Variants in LINGO2 observed in about 807,000 individuals in gnomAD.
LINGO2 encodes the protein leucine rich repeat and Ig domain containing 2.
LINGO2 carries 14 observed loss-of-function variants against 30.6 expected under a neutral mutation model. The ratio of observed to expected loss-of-function variants is 0.46; its 90% confidence interval spans 0.30 to 0.72. LINGO2 has a LOEUF of 0.72. Ranked by LOEUF, LINGO2 falls within the 30% of genes least tolerant of loss-of-function variation. The probability of loss-of-function intolerance (pLI) is 0.07; values close to 1 mark genes in which losing one functional copy is unlikely to be tolerated. For synonymous variants in LINGO2, 317 were observed against 288.5 expected (o/e 1.10, Z -1.00); for missense variants, 729 against 751.7 (o/e 0.97, Z 0.35).
At chr9:28,485,348 A>G (rs961297970) in intron 1 of LINGO2, among the ~76,000 whole-genome samples, 5 of 152,132 alleles carry the variant, frequency 3.3e-5, no homozygotes, top group African/African-American at 9.6e-5. Context: ...AAGTAATATC[A>G]TCACAGCTGT....
chr9:28,049,001 A>G (rs1824550922), intron 4 of LINGO2, among the ~76,000 whole-genome samples: 1 of 151,072 alleles, frequency 6.6e-6, no homozygotes, highest in Admixed American at 6.6e-5. Context: ...ATTATGATTA[A>G]TTTTTAAATC....
chr9:28,110,303 C>T (rs1396223417), intron 4 of LINGO2, among the ~76,000 whole-genome samples: 2 of 152,154 alleles, frequency 1.3e-5, no homozygotes, highest in African/African-American at 4.8e-5. Context: ...TAGAAGAAAA[C>T]TTAGCAATAC....
the LINGO2 span, among the ~76,000 whole-genome samples, chr9:28,729,734 T>A: frequency 1.3e-5 from 2 of 151,996 alleles, no homozygotes; most frequent in Admixed American, 6.5e-5. Flanking sequence ...CTACTCTCCA[T>A]TATACTCAAT....
At chr9:28,561,546 G>T (rs944933343) in intron 1 of LINGO2, among the ~76,000 whole-genome samples, 1 of 126,336 alleles carries the variant, frequency 7.9e-6, no homozygotes, top group Admixed American at 7.8e-5. Context: ...TTATACATCA[G>T]TAATTGGTTT....
the LINGO2 span, among the ~76,000 whole-genome samples, chr9:28,959,568 T>C: frequency 6.7e-6 from 1 of 149,808 alleles, no homozygotes; most frequent in Admixed American, 6.8e-5. Context: ...TCTCCTTCAG[T>C]TCCTTTCTCT....
chr9:28,967,372 C>G, the LINGO2 span, among the ~76,000 whole-genome samples: 2 of 152,100 alleles, frequency 1.3e-5, no homozygotes, highest in Non-Finnish European at 2.9e-5. Context: ...ACAAACTATC[C>G]TACCACTAGG....
Position 28,148,691 on chromosome 9 carries a change from G to T in LINGO2, c.-86-136286C>A. Reference sequence around the variant, plus strand: ...GCCTGCAGTGAGTTTCTACTCCAACGGCCATGGAGTCGCCAGTTCACACAG... The same window carrying T: ...GCCTGCAGTGAGTTTCTACTCCAACTGCCATGGAGTCGCCAGTTCACACAG... On this transcript the variant is annotated intron_variant, in intron 4 of 5. Transcript: ENST00000379992. The surrounding 1 kb of genome is among the most constrained non-coding windows in gnomAD (Gnocchi z 5.1). 2.0e-6 allele frequency: 3 copies of T among 1,533,786 alleles called. No individual in the cohort carries two copies. Among genetic ancestry groups the T allele is most frequent in the Non-Finnish European group, 2.6e-6 (3 of 1,146,194 alleles).
chr9:28,729,826 C>T, the LINGO2 span, among the ~76,000 whole-genome samples: 1 of 151,652 alleles, frequency 6.6e-6, no homozygotes, highest in Admixed American at 6.6e-5. Context: ...ATATTAATTG[C>T]CAAATTCAAA....
At chr9:28,596,407 A>G (rs747311549) in intron 1 of LINGO2, among the ~76,000 whole-genome samples, 5 of 152,154 alleles carry the variant, frequency 3.3e-5, no homozygotes, top group Non-Finnish European at 5.9e-5. Flanking sequence ...CTTTTTACCA[A>G]ATCTTAGGCT....
At chr9:28,879,700 G>A in the LINGO2 span, among the ~76,000 whole-genome samples, 1 of 152,136 alleles carries the variant, frequency 6.6e-6, no homozygotes, top group African/African-American at 2.4e-5. Context: ...GTCCCCCAGA[G>A]CTAACATGCT....
intron 4 of LINGO2, among the ~76,000 whole-genome samples, chr9:28,239,441 A>C (rs1253392254): frequency 6.6e-6 from 1 of 152,194 alleles, no homozygotes; most frequent in Non-Finnish European, 1.5e-5. Flanking sequence ...ATTCATCATG[A>C]CCAAGTAGGA....
At chr9:28,221,325 A>G (rs1820958941) in intron 4 of LINGO2, among the ~76,000 whole-genome samples, 1 of 139,110 alleles carries the variant, frequency 7.2e-6, no homozygotes, top group African/African-American at 2.7e-5. Flanking sequence ...AAAAAAAAAA[A>G]GCAAAGATAG....
chr9:28,659,393 A>G (rs1433764491), intron 1 of LINGO2, among the ~76,000 whole-genome samples: 1 of 152,068 alleles, frequency 6.6e-6, no homozygotes, highest in African/African-American at 2.4e-5. Context: ...AGGAGGAAAG[A>G]TTACCTTCTT....
chr9:28,648,453 GTCCAGTGAA>G (rs900397184), intron 1 of LINGO2, among the ~76,000 whole-genome samples: 3 of 152,166 alleles, frequency 2.0e-5, no homozygotes, highest in African/African-American at 7.2e-5. Flanking sequence ...ACTTAATATA[GTCCAGTGAA>G]TCCAGTGAAC....
chr9:27,950,725 A>G lies in LINGO2; in HGVS notation c.-35-19T>C. ...CACGGGTCTGCATGGAAGGGACACAAGAAGGGAGGAAGAGAAGGTGAGTTA... is the reference window on the plus strand; with the variant it reads ...CACGGGTCTGCATGGAAGGGACACAGGAAGGGAGGAAGAGAAGGTGAGTTA... On this transcript the variant is annotated intron_variant, in intron 5 of 5. Coordinates refer to ENST00000379992, the Ensembl canonical transcript of LINGO2. The G allele has an allele frequency of 2.9e-6, 4 of 1,393,408 alleles. No individual in the cohort carries two copies. Among genetic ancestry groups the G allele is most frequent in the Non-Finnish European group, 3.8e-6 (4 of 1,051,478 alleles). The allele number at this position is 1,393,408 out of a possible 1,614,324, so 86.3% of individuals were successfully genotyped here.
rs1480190063 is a variant in LINGO2 at position 28,148,589 on chromosome 9, T to A, written c.-86-136184A>T. 2.0e-6 allele frequency: 3 copies of A among 1,506,976 alleles called. No individual in the cohort carries two copies. The African/African-American group carries it at 4.1e-5, about 21-fold the overall frequency. The allele number at this position is 1,506,976 out of a possible 1,614,324, so 93.4% of individuals were successfully genotyped here. On this transcript the variant is annotated intron_variant, in intron 4 of 5. Coordinates refer to ENST00000379992, the Ensembl canonical transcript of LINGO2. This position sits in a 1 kb window ranked among gnomAD's most constrained non-coding sequence, Gnocchi z 5.1. Reference sequence around the variant, plus strand: ...TCAGGGAAACTTCACTTCCTCCTGGTACAATCCCAGGCCCTTGGAGGGAAA... The same window carrying A: ...TCAGGGAAACTTCACTTCCTCCTGGAACAATCCCAGGCCCTTGGAGGGAAA...
chr9:28,867,893 A>G, the LINGO2 span, among the ~76,000 whole-genome samples: 2 of 152,178 alleles, frequency 1.3e-5, no homozygotes, highest in Non-Finnish European at 2.9e-5. Flanking sequence ...TAAATTTTAC[A>G]CAGAATCAAA....
rs76334516 is a variant in LINGO2, at chr9:28,342,809, A to C, written c.-246+30027T>G. The stretch of plus-strand genomic sequence containing the variant: ...ATACTCTTTTTTCTCCTTTAGTAAA[A>C]GGAATGACCAGAATGAAGACATTCT... On this transcript the variant is annotated intron_variant, in intron 3 of 5. Coordinates refer to ENST00000379992, the Ensembl canonical transcript of LINGO2. Among the ~76,000 whole-genome samples the C allele has an allele frequency of 7.0e-3, 1,058 of 152,224 alleles. 10 individuals are homozygous for C. Among genetic ancestry groups the C allele is most frequent in the African/African-American group, 0.024 (1,013 of 41,534 alleles).
chr9:28,133,389 A>G (rs757874480), intron 4 of LINGO2, among the ~76,000 whole-genome samples: 8 of 152,190 alleles, frequency 5.3e-5, no homozygotes, highest in Non-Finnish European at 7.3e-5. Context: ...GGACATATAT[A>G]TTTGGGATCC....
Sources: gnomAD v4.1 joint callset for allele counts (sites outside exome capture counted in the v4.1 genomes callset) on GRCh38, gnomAD v4.1.1 for gene constraint, Gnocchi (gnomAD v3.1) non-coding constraint, MANE v1.5 for transcripts, NCBI Gene and HGNC (gene_info 2026-07-23, HGNC 2026-07-21) for gene names.